The following PRTFDC1 variants were observed in gnomAD, a reference collection of about 807,000 sequenced individuals.
PRTFDC1 encodes the protein phosphoribosyl transferase domain containing 1.
In PRTFDC1, 38 loss-of-function variants were observed where a neutral mutation model predicts 34.6. That is an observed-to-expected ratio of 1.10 (90% CI 0.85 to 1.44). The LOEUF (loss-of-function observed/expected upper bound fraction) is 1.44. Ranked by LOEUF, PRTFDC1 falls within the 40% of genes most tolerant of loss-of-function variation. The pLI, the probability that PRTFDC1 is intolerant of heterozygous loss-of-function variation, is 0.00. For synonymous variants in PRTFDC1, 93 were observed against 98.1 expected, an observed-to-expected ratio of 0.95 and a Z score of 0.31; for missense variants, 270 against 283.0, an observed-to-expected ratio of 0.95 and a Z score of 0.33.
chr10:24,871,196 A>T (rs1346326902), intron 4 of PRTFDC1, among the ~76,000 whole-genome samples: 1 of 152,134 alleles, frequency 6.6e-6, no homozygotes, highest in Non-Finnish European at 1.5e-5. Context: ...AACAAGCACA[A>T]GTATGAGAGA....
chr10:24,866,886 GAGAA>G, intron 4 of PRTFDC1, among the ~76,000 whole-genome samples: 1 of 149,676 alleles, frequency 6.7e-6, no homozygotes. Flanking sequence ...AAGAAAAAGA[GAGAA>G]AGGAAGAGAG....
rs139153843 is a variant in PRTFDC1 at position 24,885,276 on chromosome 10, C to G, written c.340-13213G>C. 1.6e-3 allele frequency among the ~76,000 whole-genome samples: 243 copies of G among 152,324 alleles called. 2 individuals carry two copies. Among genetic ancestry groups the G allele is most frequent in the Admixed American group, 0.012 (176 of 15,300 alleles). The stretch of plus-strand genomic sequence containing the variant: ...ATTTAAATTTACCAAGTGCCTGGCA[C>G]ATTAGTAAGCACATTACTTACATGA... On this transcript the variant is annotated intron_variant, in intron 3 of 8. Transcript: ENST00000320152.
chr10:24,921,906 A>G (rs968701687), intron 3 of PRTFDC1, among the ~76,000 whole-genome samples: 5 of 152,228 alleles, frequency 3.3e-5, no homozygotes, highest in Admixed American at 3.3e-4. Context: ...CAAGAAAGGA[A>G]TATACACTAT....
chr10:24,898,032 A>G (rs369997003), intron 3 of PRTFDC1, among the ~76,000 whole-genome samples: 6 of 152,216 alleles, frequency 3.9e-5, no homozygotes, highest in East Asian at 1.9e-4. Context: ...CGGGATGCTT[A>G]CCAGCCATTA....
chr10:24,855,975 A>C (rs1258744532), intron 6 of PRTFDC1, among the ~76,000 whole-genome samples: 1 of 151,210 alleles, frequency 6.6e-6, no homozygotes, highest in South Asian at 2.1e-4. Context: ...TTGGCTGGGC[A>C]TGGTGGTACG....
At position 24,949,706 on chromosome 10, in the gene PRTFDC1, A is replaced by AT. The variant is rs953399396; in HGVS notation, c.48+2821dup. Among the ~76,000 whole-genome samples, 699 of 143,290 alleles carry AT rather than the reference A, an allele frequency of 4.9e-3. 4 individuals are homozygous for AT. Among genetic ancestry groups the AT allele is most frequent in the Non-Finnish European group, 6.3e-3 (415 of 66,198 alleles). 94.0% of individuals were successfully genotyped at this position (143,290 alleles called of 152,430 possible). ...TTGGCAGCTGGTCCAGTTTATACTCATTTTTTTTGTTTATTTATTTATTTA... is the reference window on the plus strand; with the variant it reads ...TTGGCAGCTGGTCCAGTTTATACTCATTTTTTTTTGTTTATTTATTTATTTA... On this transcript the variant is annotated intron_variant, in intron 1 of 8. Transcript: ENST00000320152.
intron 8 of PRTFDC1, among the ~76,000 whole-genome samples, 159 bp from the exon 9 acceptor site, chr10:24,850,050 C>T (rs956215670): frequency 6.6e-6 from 1 of 152,268 alleles, no homozygotes; most frequent in Non-Finnish European, 1.5e-5. Context: ...TAAAGAGACC[C>T]ATTCAAGTGC....
intron 1 of PRTFDC1, among the ~76,000 whole-genome samples, chr10:24,943,233 C>T (rs1258038670): frequency 6.6e-6 from 1 of 151,900 alleles, no homozygotes; most frequent in Non-Finnish European, 1.5e-5. Flanking sequence ...TCAGAGTAGA[C>T]CCAAACTTTT....
At chr10:24,873,348 C>G (rs1213963167) in intron 3 of PRTFDC1, among the ~76,000 whole-genome samples, 1 of 152,086 alleles carries the variant, frequency 6.6e-6, no homozygotes, top group Non-Finnish European at 1.5e-5. Flanking sequence ...CATTACAGAC[C>G]CACATTAAAG....
In PRTFDC1 at chr10:24,856,981, A is replaced by C; in HGVS notation, c.438T>G (p.Thr146=). 6.2e-7 allele frequency: 1 copy of C among 1,613,454 alleles called. No homozygotes were observed. Among genetic ancestry groups the C allele is most frequent in the African/African-American group, 1.3e-5 (1 of 75,044 alleles). Residue 146 remains threonine (T), a synonymous_variant, in exon 6 of 9, where the codon ACT becomes ACG. Coordinates refer to ENST00000320152, the MANE Select transcript of PRTFDC1 (RefSeq NM_020200.7). ...TGAGTAGTGCTTTCATGGTCCTCCC[A>C]GTTCCGACAACATCCTTTGCAAAAA... The part of the protein sequence containing the change: ...NVLIVEDVVG[T]GRTMKALLSN...
At chr10:24,885,616 AG>A (rs1463127844) in intron 3 of PRTFDC1, among the ~76,000 whole-genome samples, 2 of 152,152 alleles carry the variant, frequency 1.3e-5, no homozygotes, top group African/African-American at 4.8e-5. Context: ...ACATTGGCCA[AG>A]CTGGTCTCAA....
At chr10:24,933,156 G>A (rs918984893) in intron 3 of PRTFDC1, among the ~76,000 whole-genome samples, 3 of 151,670 alleles carry the variant, frequency 2.0e-5, no homozygotes, top group Non-Finnish European at 4.4e-5. Context: ...CTAAAACTAT[G>A]AAACTTCTCT....
At chr10:24,932,082 A>G (rs1265978455) in intron 3 of PRTFDC1, among the ~76,000 whole-genome samples, 1 of 152,018 alleles carries the variant, frequency 6.6e-6, no homozygotes, top group Non-Finnish European at 1.5e-5. Context: ...AATGTATTTT[A>G]CCATATCAAC....
chr10:24,884,138 C>T (rs756895999), intron 3 of PRTFDC1, among the ~76,000 whole-genome samples: 4 of 146,428 alleles, frequency 2.7e-5, no homozygotes, highest in Non-Finnish European at 6.0e-5. Context: ...GGCCAAGAGA[C>T]GATTTTCTCC....
intron 8 of PRTFDC1, among the ~76,000 whole-genome samples, chr10:24,850,372 C>G (rs1847463591): frequency 6.6e-6 from 1 of 152,158 alleles, no homozygotes; most frequent in Admixed American, 6.5e-5. Flanking sequence ...TGGCCCCTGT[C>G]TGTAATCCCA....
chr10:24,929,244 C>A (rs780584458), intron 3 of PRTFDC1, among the ~76,000 whole-genome samples: 1 of 151,958 alleles, frequency 6.6e-6, no homozygotes, highest in Non-Finnish European at 1.5e-5. Context: ...TGATTTAAAC[C>A]CTTTGTTCTG....
intron 4 of PRTFDC1, among the ~76,000 whole-genome samples, chr10:24,868,663 G>T (rs1847826445): frequency 6.6e-6 from 1 of 151,990 alleles, no homozygotes. Context: ...TCACTATGTT[G>T]CCCAGGCTGG....
chr10:24,903,589 C>T (rs1312480040), intron 3 of PRTFDC1, among the ~76,000 whole-genome samples: 1 of 152,140 alleles, frequency 6.6e-6, no homozygotes, highest in African/African-American at 2.4e-5. Flanking sequence ...CCAGAGAGTA[C>T]TGAAGTCTAG....
chr10:24,888,938 A>T (rs773577367), intron 3 of PRTFDC1, among the ~76,000 whole-genome samples: 10 of 152,160 alleles, frequency 6.6e-5, no homozygotes, highest in Non-Finnish European at 1.5e-4. Context: ...AACTGTGGCA[A>T]ACTCATTTGA....
Sources: gnomAD v4.1 joint callset for allele counts (sites outside exome capture counted in the v4.1 genomes callset) on GRCh38, gnomAD v4.1.1 for gene constraint, MANE v1.5 for transcripts, NCBI Gene and HGNC (gene_info 2026-07-23, HGNC 2026-07-21) for gene names.